Variants in HSPA12A observed in about 807,000 individuals in gnomAD.
HSPA12A encodes heat shock protein family A (Hsp70) member 12A.
HSPA12A carries 28 observed loss-of-function variants against 69.2 expected under a neutral mutation model. That is an observed-to-expected ratio of 0.40 (90% CI 0.30 to 0.55). HSPA12A has a LOEUF of 0.55. HSPA12A is among the 20% of genes least tolerant of loss of function. The probability of loss-of-function intolerance (pLI) is 0.38; values close to 1 mark genes in which losing one functional copy is unlikely to be tolerated. For missense variants in HSPA12A, 686 were observed against 900.7 expected (o/e 0.76, Z 3.05); for synonymous variants, 345 against 370.5 (o/e 0.93, Z 0.79).
chr10:116,742,495 G>A lies in HSPA12A; in HGVS notation c.-26C>T, dbSNP rs1470912015. 3.8e-6 allele frequency: 5 copies of A among 1,324,278 alleles called. No individual in the cohort carries two copies. The highest frequency in any genetic ancestry group is 4.8e-6 in the Non-Finnish European group (5 of 1,036,548). 82.0% of individuals were successfully genotyped at this position (1,324,278 alleles called of 1,614,324 possible). A position where few individuals can be genotyped will look rare whatever the true frequency, so the allele number is the denominator to read the frequency against. ...GGTCGCGCAGCCCCGGACCGCGAGG[G>A]GAGCCTCCAGCGCAGCGCCCGTGCC... is the stretch of plus-strand genomic sequence containing the variant. On this transcript the variant is annotated 5_prime_UTR_variant, in exon 1 of 12. Transcript: ENST00000369209.
At chr10:116,749,510 G>A (rs1851725942) in intron 2 of HSPA12A, among the ~76,000 whole-genome samples, 1 of 152,230 alleles carries the variant, frequency 6.6e-6, no homozygotes, top group African/African-American at 2.4e-5. Flanking sequence ...ACGGCATTCT[G>A]AGCTCAAGAA....
At chr10:116,684,062 G>A (rs538213356) in intron 6 of HSPA12A, 100 bp from the exon 7 acceptor site, 71 of 982,430 alleles carry the variant, frequency 7.2e-5, no homozygotes, top group South Asian at 3.1e-4. Context: ...GGGCGCACTC[G>A]TGCTCTGCAT....
In HSPA12A at chr10:116,723,869, C is replaced by T. The variant is rs557812746; in HGVS notation, c.41-16584G>A. 1.3e-5 allele frequency among the ~76,000 whole-genome samples: 2 copies of T among 152,322 alleles called. No individual in the cohort carries two copies. Among genetic ancestry groups the T allele is most frequent in the South Asian group, 4.1e-4 (2 of 4,830 alleles). On this transcript the variant is annotated intron_variant, in intron 1 of 11. Transcript: ENST00000369209. The surrounding 1 kb of genome is among the most constrained non-coding windows in gnomAD (Gnocchi z 4.1). Reference sequence around the variant, plus strand: ...GCTTCCAGGCCCATCTACCATCTTGCCCGATGCCCACCTGAGGGCCCCTGA... The same window carrying T: ...GCTTCCAGGCCCATCTACCATCTTGTCCGATGCCCACCTGAGGGCCCCTGA...
Position 116,674,959 on chromosome 10 carries a change from C to A in HSPA12A, c.1850G>T (p.Gly617Val), listed in dbSNP as rs1849183819. The change falls in exon 12 of 12, where the codon GGG becomes GTG. Residue 617 changes from glycine to valine, a missense_variant. Transcript: ENST00000369209. ...GCGGAGCGTGCCACACTTCTTCACC[C>A]CGGGATCAGTGATGAAGCTGACGTT... Reference protein sequence around the residue: ...HDNVSFITDPGVKKCGTLRLD... With the variant: ...HDNVSFITDPVVKKCGTLRLD... 1 of 1,613,996 alleles carries A rather than the reference C, an allele frequency of 6.2e-7. No homozygotes were observed. The highest frequency in any genetic ancestry group is 1.7e-5 in the Admixed American group (1 of 60,002).
chr10:116,723,220 T>C lies in HSPA12A; in HGVS notation c.41-15935A>G, dbSNP rs1170991360. 5.4e-5 allele frequency among the ~76,000 whole-genome samples: 8 copies of C among 148,772 alleles called. No homozygotes were observed. Among genetic ancestry groups the C allele is most frequent in the African/African-American group, 2.0e-4 (8 of 40,790 alleles). On this transcript the variant is annotated intron_variant, in intron 1 of 11. Transcript: ENST00000369209. This position sits in a 1 kb window ranked among gnomAD's most constrained non-coding sequence, Gnocchi z 4.1. The stretch of plus-strand genomic sequence containing the variant: ...CCCCCTAACCATTGCCCCCCCATCA[T>C]TCCTGTCCTCATACAACCCCCTGCA...
chr10:116,768,513 A>G (rs937494939), intron 2 of HSPA12A, among the ~76,000 whole-genome samples: 1 of 152,150 alleles, frequency 6.6e-6, no homozygotes, highest in Non-Finnish European at 1.5e-5. Flanking sequence ...AAATGTCTCA[A>G]TTTATTTGAC....
At chr10:116,726,041 A>G (rs1276196307) in intron 1 of HSPA12A, among the ~76,000 whole-genome samples, 1 of 150,456 alleles carries the variant, frequency 6.6e-6, no homozygotes, top group Non-Finnish European at 1.5e-5. Flanking sequence ...ACACACACAC[A>G]CACACACACA....
chr10:116,763,537 G>A (rs1208449550), intron 2 of HSPA12A, among the ~76,000 whole-genome samples: 1 of 152,124 alleles, frequency 6.6e-6, no homozygotes, highest in Non-Finnish European at 1.5e-5. Flanking sequence ...ATGCATACAG[G>A]GCAGGTCCCC....
In HSPA12A at chr10:116,682,457, G is replaced by C. The variant is rs868916940; in HGVS notation, c.836-580C>G. ...ACATGCACCCTGGGTAAATAGACTG[G>C]GGGGGGGGGCCATTTCCTGACCCAG... On this transcript the variant is annotated intron_variant, in intron 7 of 11. Transcript: ENST00000369209. Among the ~76,000 whole-genome samples, 48 of 141,000 alleles carry C rather than the reference G, an allele frequency of 3.4e-4. No homozygotes were observed. In the Middle Eastern group the frequency reaches 0.015, roughly 43 times the overall value. The allele number at this position is 141,000 out of a possible 152,430, so 92.5% of individuals were successfully genotyped here.
intron 2 of HSPA12A, among the ~76,000 whole-genome samples, chr10:116,762,042 C>T (rs1843984463): frequency 6.6e-6 from 1 of 152,214 alleles, no homozygotes; most frequent in African/African-American, 2.4e-5. Flanking sequence ...TTTTTTGCAG[C>T]TTATATACCA....
chr10:116,700,900 C>T (rs1554881540), intron 4 of HSPA12A, 43 bp downstream of exon 4: 3 of 1,592,434 alleles, frequency 1.9e-6, no homozygotes, highest in South Asian at 2.2e-5. Flanking sequence ...AAGCTTGGCA[C>T]TCCATTGCGG....
At chr10:116,751,077 AAGG>A (rs1180604760) in intron 2 of HSPA12A, 11 of 154,910 alleles carry the variant, frequency 7.1e-5, no homozygotes, top group South Asian at 2.0e-4. Context: ...GAATAGGAAG[AAGG>A]AGGAGGAGGA....
chr10:116,742,601 G>GGCAGCCGCC, upstream of HSPA12A: 1 of 1,094,940 alleles, frequency 9.1e-7, no homozygotes, highest in Non-Finnish European at 1.1e-6. Context: ...GCTCTGACGC[G>GGCAGCCGCC]GCAGCCGCCG....
chr10:116,687,193 T>C lies in HSPA12A; in HGVS notation c.664-3231A>G, dbSNP rs572146050. On this transcript the variant is annotated intron_variant, in intron 6 of 11. Coordinates refer to ENST00000369209, the MANE Select transcript of HSPA12A (RefSeq NM_025015.3). ...CCACTCAGGGGAGACCTTTCATCTG[T>C]CCCTCTCCAGCTGGGCTGGCCTCAG... Among the ~76,000 whole-genome samples, 147 of 152,278 alleles carry C rather than the reference T, an allele frequency of 9.7e-4. 2 individuals carry two copies. The South Asian group carries it at 0.027, about 28-fold the overall frequency.
intron 2 of HSPA12A, among the ~76,000 whole-genome samples, chr10:116,785,343 A>G (rs141065178): frequency 6.6e-6 from 1 of 152,208 alleles, no homozygotes; most frequent in East Asian, 1.9e-4. Flanking sequence ...TGGAGGAAGG[A>G]GGAACGGCCC....
At chr10:116,801,590 A>G (rs1367927888) in intron 2 of HSPA12A, among the ~76,000 whole-genome samples, 2 of 152,172 alleles carry the variant, frequency 1.3e-5, no homozygotes, top group East Asian at 3.8e-4. Flanking sequence ...CCACGAGCGC[A>G]ATAGCTCAGA....
intron 1 of HSPA12A, among the ~76,000 whole-genome samples, chr10:116,844,779 T>C (rs1182592753): frequency 6.6e-6 from 1 of 152,094 alleles, no homozygotes; most frequent in Non-Finnish European, 1.5e-5. Context: ...CAAAATAACA[T>C]CTAAATAATC....
intron 2 of HSPA12A, among the ~76,000 whole-genome samples, chr10:116,769,944 C>T (rs548725446): frequency 2.7e-3 from 412 of 152,278 alleles, no homozygotes; most frequent in Middle Eastern, 6.8e-3. Flanking sequence ...TGGGTATGCT[C>T]GCTTGAGAGT....
chr10:116,689,031 C>G (rs1248644719), intron 6 of HSPA12A, among the ~76,000 whole-genome samples: 1 of 152,114 alleles, frequency 6.6e-6, no homozygotes, highest in Non-Finnish European at 1.5e-5. Flanking sequence ...TTTCAACAAG[C>G]ACTCAACTCA....
Sources: gnomAD v4.1 joint callset for allele counts (sites outside exome capture counted in the v4.1 genomes callset) on GRCh38, gnomAD v4.1.1 for gene constraint, Gnocchi (gnomAD v3.1) non-coding constraint, MANE v1.5 for transcripts, NCBI Gene and HGNC (gene_info 2026-07-23, HGNC 2026-07-21) for gene names.